UBR2: variants seen among roughly 807,000 people sequenced by gnomAD.
The protein encoded by UBR2 is ubiquitin protein ligase E3 component n-recognin 2, also known as E3 ubiquitin-protein ligase UBR2.
A neutral mutation model predicts 247.9 loss-of-function variants in UBR2; 92 were observed. That is an observed-to-expected ratio of 0.37 (90% CI 0.31 to 0.44). UBR2 has a LOEUF of 0.44. Ranked by LOEUF, UBR2 falls within the 20% of genes least tolerant of loss-of-function variation. The pLI, the probability that UBR2 is intolerant of heterozygous loss-of-function variation, is 1.00. For synonymous variants in UBR2, 672 were observed against 693.5 expected, an observed-to-expected ratio of 0.97 and a Z score of 0.49; for missense variants, 1,613 against 2,112.6, an observed-to-expected ratio of 0.76 and a Z score of 4.64.
chr6:42,591,608 G>T (rs1460923718), intron 2 of UBR2, among the ~76,000 whole-genome samples: 2 of 152,146 alleles, frequency 1.3e-5, no homozygotes, highest in Non-Finnish European at 1.5e-5. Flanking sequence ...ATCATTCAGT[G>T]CAGTGAACCT....
Position 42,564,308 on chromosome 6 carries a change from GGAGGA to G in UBR2, c.-8_-4del. 1 of 1,607,486 alleles carries G rather than the reference GGAGGA, an allele frequency of 6.2e-7. No individual in the cohort carries two copies. The highest frequency in any genetic ancestry group is 8.5e-7 in the Non-Finnish European group (1 of 1,177,666). On this transcript the variant is annotated 5_prime_UTR_variant, in exon 1 of 47. Coordinates refer to ENST00000372901, the MANE Select transcript of UBR2 (RefSeq NM_001363705.2). ...CGGGCGGCGGTAGCGCTGGGGAGGAGGAGGAGAGAAGATGGCGTCGGAGCTAGAGC... is the reference window on the plus strand; with the variant it reads ...CGGGCGGCGGTAGCGCTGGGGAGGAGGAGAAGATGGCGTCGGAGCTAGAGC...
intron 4 of UBR2, 48 bp from the exon 5 acceptor site, chr6:42,603,540 A>ATG: frequency 6.8e-7 from 1 of 1,471,162 alleles, no homozygotes; most frequent in Non-Finnish European, 8.9e-7. Flanking sequence ...ATTAATGTAC[A>ATG]TGATTGCCCT....
At chr6:42,673,957 C>A in intron 37 of UBR2, 70 bp downstream of exon 37, 1 of 1,382,730 alleles carries the variant, frequency 7.2e-7, no homozygotes, top group South Asian at 1.2e-5. Flanking sequence ...AATGGTACAG[C>A]TTCTCTCAGT....
chr6:42,670,215 C>T lies in UBR2; in HGVS notation c.4005C>T (p.Ser1335=), dbSNP rs893134603. 3.1e-6 allele frequency: 5 copies of T among 1,613,980 alleles called. No homozygotes were observed. The highest frequency in any genetic ancestry group is 4.2e-6 in the Non-Finnish European group (5 of 1,179,994). The change falls in exon 35 of 47, where the codon AGC becomes AGT. Residue 1335 remains serine, a synonymous_variant. Transcript: ENST00000372901. The part of the protein sequence containing the change: ...DPRVPIMCWG[S]CAYTIQSIER... Reference sequence around the variant, plus strand: ...GTGTTCCCATAATGTGTTGGGGTAGCTGCGCGTACACCATCCAAAGCATAG... The same window carrying T: ...GTGTTCCCATAATGTGTTGGGGTAGTTGCGCGTACACCATCCAAAGCATAG...
intron 2 of UBR2, among the ~76,000 whole-genome samples, chr6:42,580,796 C>T (rs1297368808): frequency 1.3e-5 from 2 of 152,182 alleles, no homozygotes; most frequent in African/African-American, 4.8e-5. Context: ...CCACCTCGGC[C>T]TCTCAAAGTG....
chr6:42,676,613 T>A (rs1403331993), intron 39 of UBR2, among the ~76,000 whole-genome samples, 170 bp from the exon 40 acceptor site: 3 of 152,226 alleles, frequency 2.0e-5, no homozygotes, highest in African/African-American at 7.2e-5. Flanking sequence ...TTTGGTTTGA[T>A]TGAGATCAAT....
chr6:42,624,579 C>CA (rs1554253461), intron 11 of UBR2, among the ~76,000 whole-genome samples: 1 of 152,130 alleles, frequency 6.6e-6, no homozygotes, highest in Non-Finnish European at 1.5e-5. Context: ...ACATGGGAGA[C>CA]AGAGTTTTTA....
chr6:42,592,336 G>A lies in UBR2; in HGVS notation c.417+107G>A. The A allele has an allele frequency of 8.2e-6, 7 of 856,704 alleles. No individual in the cohort carries two copies. The South Asian group carries it at 1.6e-4, about 20-fold the overall frequency. The allele number at this position is 856,704 out of a possible 1,614,324, so 53.1% of individuals were successfully genotyped here. A position where few individuals can be genotyped will look rare whatever the true frequency, so the allele number is the denominator to read the frequency against. The stretch of plus-strand genomic sequence containing the variant: ...TTTAACACTAAAATGGGGGGAGGGT[G>A]GTTTAAACAGTGTGTTTATTTAAAT... On this transcript the variant is annotated intron_variant, in intron 3 of 46. Coordinates refer to ENST00000372901, the MANE Select transcript of UBR2 (RefSeq NM_001363705.2).
intron 32 of UBR2, among the ~76,000 whole-genome samples, chr6:42,664,590 T>A (rs531954533): frequency 6.6e-6 from 1 of 152,252 alleles, no homozygotes; most frequent in African/African-American, 2.4e-5. Flanking sequence ...TAGTCTATGC[T>A]ACCACAAAAT....
Position 42,689,636 on chromosome 6 carries a change from C to T in UBR2, c.5092C>T (p.Leu1698Phe). The change falls in exon 46 of 47, where the codon CTT (leucine) becomes TTT (phenylalanine). Residue 1698 changes from leucine to phenylalanine, a missense_variant. Transcript: ENST00000372901. The surrounding 1 kb of genome is among the most constrained non-coding windows in gnomAD (Gnocchi z 4.0). Reference protein sequence around the residue: ...TKGCFYSPPYLDDYGETDQGL... With the variant: ...TKGCFYSPPYFDDYGETDQGL... ...AGGCTGTTTTTATTCTCCTCCTTACCTTGATGACTATGGGGAGACCGACCA... is the reference window on the plus strand; with the variant it reads ...AGGCTGTTTTTATTCTCCTCCTTACTTTGATGACTATGGGGAGACCGACCA... 8 of 1,614,082 alleles carry T rather than the reference C, an allele frequency of 5.0e-6. No individual in the cohort carries two copies. Among genetic ancestry groups the T allele is most frequent in the Non-Finnish European group, 6.8e-6 (8 of 1,180,002 alleles).
chr6:42,620,906 G>A (rs1794951940), intron 11 of UBR2, among the ~76,000 whole-genome samples: 1 of 152,098 alleles, frequency 6.6e-6, no homozygotes, highest in African/African-American at 2.4e-5. Context: ...CCGGGTTCAA[G>A]CGATTCTCCT....
chr6:42,624,359 C>T (rs185805747), intron 11 of UBR2, among the ~76,000 whole-genome samples: 57 of 149,416 alleles, frequency 3.8e-4, no homozygotes, highest in African/African-American at 1.4e-3. Flanking sequence ...TGCTTTGTTG[C>T]CCAGGCTAGT....
At chr6:42,646,809 A>G in intron 21 of UBR2, among the ~76,000 whole-genome samples, 1 of 145,620 alleles carries the variant, frequency 6.9e-6, no homozygotes. Flanking sequence ...ATATATGTTT[A>G]TATATATATA....
chr6:42,570,800 CAGCCTCCTG>C (rs1469045372), intron 1 of UBR2, among the ~76,000 whole-genome samples: 1 of 151,974 alleles, frequency 6.6e-6, no homozygotes, highest in Non-Finnish European at 1.5e-5. Context: ...CCTCCCACCT[CAGCCTCCTG>C]AGTAGCTGGG....
At position 42,670,227 on chromosome 6, in the gene UBR2, C is replaced by T; in HGVS notation, c.4017C>T (p.Thr1339=). Residue 1339 remains threonine (T), a synonymous_variant, in exon 35 of 47, where the codon ACC becomes ACT. Coordinates refer to ENST00000372901, the MANE Select transcript of UBR2 (RefSeq NM_001363705.2). ...TGTGTTGGGGTAGCTGCGCGTACAC[C>T]ATCCAAAGCATAGGTAAGAGATTTA... ...PIMCWGSCAY[T]IQSIERILSD... The T allele has an allele frequency of 6.2e-7, 1 of 1,613,600 alleles. No homozygotes were observed. The highest frequency in any genetic ancestry group is 8.5e-7 in the Non-Finnish European group (1 of 1,179,652).
chr6:42,569,662 G>A (rs1790993105), intron 1 of UBR2, among the ~76,000 whole-genome samples: 1 of 152,092 alleles, frequency 6.6e-6, no homozygotes, highest in Admixed American at 6.5e-5. Flanking sequence ...ATCCTTGTTT[G>A]AAAGCAAAAC....
In UBR2 at chr6:42,676,247, T is replaced by C. The variant is rs150202857; in HGVS notation, c.4387+56T>C. ...AGGAAATACTTGAGTTTTCTGAGTT[T>C]TAAAAAAAGTATTAGAGGAAAAGGT... On this transcript the variant is annotated intron_variant, in intron 39 of 46. Transcript: ENST00000372901. 142 of 1,494,772 alleles carry C rather than the reference T, an allele frequency of 9.5e-5. No individual in the cohort carries two copies. The African/African-American group carries it at 1.7e-3, about 18-fold the overall frequency. 92.6% of individuals were successfully genotyped at this position (1,494,772 alleles called of 1,614,324 possible).
intron 2 of UBR2, among the ~76,000 whole-genome samples, chr6:42,588,691 G>A (rs1236086110): frequency 6.6e-6 from 1 of 152,006 alleles, no homozygotes; most frequent in Non-Finnish European, 1.5e-5. Context: ...ACAACAAAAA[G>A]TTTTTATAAT....
At chr6:42,637,998 C>T (rs1796210903) in intron 15 of UBR2, among the ~76,000 whole-genome samples, 1 of 152,066 alleles carries the variant, frequency 6.6e-6, no homozygotes, top group Non-Finnish European at 1.5e-5. Flanking sequence ...GTTTGTGGCT[C>T]AGTAGCTTAA....
Sources: allele counts gnomAD v4.1 joint callset (sites outside exome capture counted in the v4.1 genomes callset), GRCh38; gene constraint gnomAD v4.1.1; non-coding constraint Gnocchi (gnomAD v3.1); transcripts MANE v1.5; gene names NCBI Gene and HGNC (gene_info 2026-07-23, HGNC 2026-07-21).